ABL1: variants seen among roughly 807,000 people sequenced by gnomAD.
The protein encoded by ABL1 is tyrosine-protein kinase ABL1.
Under a neutral mutation model 94.7 loss-of-function variants are expected in ABL1, and 11 were observed. The observed-to-expected ratio is 0.12, with a 90% confidence interval of 0.07 to 0.19. ABL1 has a LOEUF of 0.19. Ranked by LOEUF, ABL1 falls within the 10% of genes least tolerant of loss-of-function variation. The pLI, the probability that ABL1 is intolerant of heterozygous loss-of-function variation, is 1.00. For synonymous variants in ABL1, 656 were observed against 622.4 expected (o/e 1.05, Z -0.80); for missense variants, 1,082 against 1,489.4 (o/e 0.73, Z 4.50).
chr9:130,860,655 G>A (rs897278300), intron 3 of ABL1, among the ~76,000 whole-genome samples: 1 of 152,218 alleles, frequency 6.6e-6, no homozygotes, highest in Non-Finnish European at 1.5e-5. Context: ...CTTTGACTCT[G>A]TACTGTGCCA....
Position 130,854,052 on chromosome 9 carries a change from T to C in ABL1, c.80-12T>C, listed in dbSNP as rs1380381165. On this transcript the variant is annotated splice_polypyrimidine_tract_variant and intron_variant, in intron 1 of 10. Coordinates refer to ENST00000318560, the MANE Select transcript of ABL1 (RefSeq NM_005157.6). Reference sequence around the variant, plus strand: ...CCTTTTTCTTTTTTCTGTTCCCCCCTTTCTCTTCCAGAAGCCCTTCAGCGG... The same window carrying C: ...CCTTTTTCTTTTTTCTGTTCCCCCCCTTCTCTTCCAGAAGCCCTTCAGCGG... The C allele has an allele frequency of 3.8e-6, 6 of 1,589,564 alleles. No homozygotes were observed. The highest frequency in any genetic ancestry group is 5.1e-6 in the Non-Finnish European group (6 of 1,169,218).
In ABL1 at chr9:130,850,016, G is replaced by A. The variant is rs551918071; in HGVS notation, c.80-4048G>A. On this transcript the variant is annotated intron_variant, in intron 1 of 10. Coordinates refer to ENST00000318560, the MANE Select transcript of ABL1 (RefSeq NM_005157.6). ...ACTTGACTGACTTGCTAAATTGACC[G>A]GCACTCTTCACTTCCTTATAAAACA... Among the ~76,000 whole-genome samples the A allele has an allele frequency of 5.3e-5, 8 of 152,216 alleles. No individual in the cohort carries two copies. The East Asian group carries it at 5.8e-4, about 11-fold the overall frequency.
intron 1 of ABL1, among the ~76,000 whole-genome samples, chr9:130,720,281 G>C (rs1195599560): frequency 2.0e-5 from 3 of 152,204 alleles, no homozygotes; most frequent in African/African-American, 7.2e-5. Context: ...ACATAGAGAA[G>C]GGGACAGGGA....
chr9:130,788,004 CT>C (rs1829854098), intron 1 of ABL1, among the ~76,000 whole-genome samples: 2 of 144,606 alleles, frequency 1.4e-5, no homozygotes, highest in African/African-American at 5.4e-5. Context: ...TGAAAGTTCT[CT>C]TATGGCTTTC....
chr9:130,830,182 C>T (rs2132894169), intron 1 of ABL1, among the ~76,000 whole-genome samples: 1 of 152,230 alleles, frequency 6.6e-6, no homozygotes, highest in East Asian at 1.9e-4. Context: ...AAATGTTTAA[C>T]AGTTAGGTTT....
At position 130,862,825 on chromosome 9, in the gene ABL1, G is replaced by C; in HGVS notation, c.612G>C (p.Thr204=). 1 of 1,613,884 alleles carries C rather than the reference G, an allele frequency of 6.2e-7. No individual in the cohort carries two copies. The highest frequency in any genetic ancestry group is 2.2e-5 in the East Asian group (1 of 44,864). ...CCGAGTTGGTTCATCATCATTCAAC[G>C]GTGGCCGACGGGCTCATCACCACGC... The part of the protein sequence containing the change: ...TLAELVHHHS[T]VADGLITTLH... The change falls in exon 4 of 11, where the codon ACG becomes ACC. Residue 204 remains threonine, a synonymous_variant. Transcript: ENST00000318560. The surrounding 1 kb of genome is among the most constrained non-coding windows in gnomAD (Gnocchi z 5.5).
At chr9:130,778,499 C>T (rs1007230507) in intron 1 of ABL1, among the ~76,000 whole-genome samples, 3 of 152,166 alleles carry the variant, frequency 2.0e-5, no homozygotes, top group Non-Finnish European at 4.4e-5. Flanking sequence ...GCTTCATATA[C>T]AGACGTATGA....
In ABL1 at chr9:130,798,196, TCTC is replaced by T. The variant is rs1249487108; in HGVS notation, c.137-55865_137-55863del. Among the ~76,000 whole-genome samples the T allele has an allele frequency of 2.0e-5, 3 of 152,352 alleles. No homozygotes were observed. The East Asian group carries it at 5.8e-4, about 29-fold the overall frequency. ...TGTTGAATATTCCCTCATAACTTTT[TCTC>T]CTGGCTTTTTGAGTATTTGAGACAT... On this transcript the variant is annotated intron_variant, in intron 1 of 10. Coordinates refer to the ABL1 transcript ENST00000372348.
intron 1 of ABL1, among the ~76,000 whole-genome samples, chr9:130,734,691 T>G (rs1457792723): frequency 1.1e-4 from 17 of 151,846 alleles, no homozygotes; most frequent in Admixed American, 1.1e-3. Context: ...CTGGCTAATT[T>G]TTGTATTTTT....
intron 1 of ABL1, among the ~76,000 whole-genome samples, chr9:130,773,049 A>C (rs759924704): frequency 5.3e-5 from 8 of 152,344 alleles, no homozygotes; most frequent in Admixed American, 1.3e-4. Flanking sequence ...GGCCGGGTGC[A>C]GCGGCTCACA....
chr9:130,780,024 G>A (rs1271192921), intron 1 of ABL1, among the ~76,000 whole-genome samples: 3 of 152,080 alleles, frequency 2.0e-5, no homozygotes, highest in Non-Finnish European at 4.4e-5. Context: ...GGTGGCTCAC[G>A]CCTGTAATCC....
rs1321012328 is a variant in ABL1 at position 130,835,782 on chromosome 9, G to C, written c.79+257G>C. 2.8e-5 allele frequency among the ~76,000 whole-genome samples: 4 copies of C among 144,114 alleles called. No individual in the cohort carries two copies. In the Admixed American group the frequency reaches 2.8e-4, roughly 10 times the overall value. The allele number at this position is 144,114 out of a possible 152,430, so 94.5% of individuals were successfully genotyped here. A position where few individuals can be genotyped will look rare whatever the true frequency, so the allele number is the denominator to read the frequency against. ...CTCTCTCTGTCTCTTTCTCTTTCTC[G>C]CGATGGCCCCTAGGCGCCGCCGGCG... On this transcript the variant is annotated intron_variant, in intron 1 of 10. Coordinates refer to ENST00000318560, the MANE Select transcript of ABL1 (RefSeq NM_005157.6). This position sits in a 1 kb window ranked among gnomAD's most constrained non-coding sequence, Gnocchi z 4.6.
At chr9:130,779,261 A>G (rs934016434) in intron 1 of ABL1, among the ~76,000 whole-genome samples, 1 of 152,140 alleles carries the variant, frequency 6.6e-6, no homozygotes, top group African/African-American at 2.4e-5. Context: ...GCCATTTGTT[A>G]AGATGAGTCA....
chr9:130,796,813 A>G (rs1201881831), intron 1 of ABL1, among the ~76,000 whole-genome samples: 3 of 149,538 alleles, frequency 2.0e-5, no homozygotes, highest in Non-Finnish European at 4.4e-5. Context: ...CCAGCTACTC[A>G]GGAGGCTGCG....
At chr9:130,839,402 G>A (rs536985778) in intron 1 of ABL1, among the ~76,000 whole-genome samples, 1 of 152,162 alleles carries the variant, frequency 6.6e-6, no homozygotes, top group Non-Finnish European at 1.5e-5. Flanking sequence ...TACTTCCCTT[G>A]TTCAGTAACA....
At chr9:130,765,083 A>G (rs767336883) in intron 1 of ABL1, among the ~76,000 whole-genome samples, 10 of 152,130 alleles carry the variant, frequency 6.6e-5, no homozygotes, top group Admixed American at 2.6e-4. Context: ...TCATTTTGTC[A>G]AGATGATTTT....
chr9:130,771,927 T>C (rs1233439962), intron 1 of ABL1, among the ~76,000 whole-genome samples: 1 of 151,984 alleles, frequency 6.6e-6, no homozygotes, highest in Non-Finnish European at 1.5e-5. Context: ...CTAAGTTTTG[T>C]ATTTTCAGTA....
chr9:130,729,610 C>G (rs751703640), intron 1 of ABL1, among the ~76,000 whole-genome samples: 51 of 152,202 alleles, frequency 3.4e-4, no homozygotes, highest in Non-Finnish European at 6.0e-4. Context: ...CTTGCCTTGC[C>G]TGTCATCTAA....
At chr9:130,859,921 T>C (rs757683912) in intron 3 of ABL1, among the ~76,000 whole-genome samples, 7 of 152,046 alleles carry the variant, frequency 4.6e-5, no homozygotes, top group South Asian at 2.1e-4. Context: ...CCTCGTGATC[T>C]GCCCTCCTTG....
Sources: gnomAD v4.1 joint callset for allele counts (sites outside exome capture counted in the v4.1 genomes callset) on GRCh38, gnomAD v4.1.1 for gene constraint, Gnocchi (gnomAD v3.1) non-coding constraint, MANE v1.5 for transcripts, NCBI Gene and HGNC (gene_info 2026-07-23, HGNC 2026-07-21) for gene names.